The following RBFOX1 variants were observed in gnomAD, a reference collection of about 807,000 sequenced individuals.
The protein encoded by RBFOX1 is RNA binding protein fox-1 homolog 1.
In RBFOX1, 8 loss-of-function variants were observed where a neutral mutation model predicts 57.7. That is an observed-to-expected ratio of 0.14 (90% CI 0.08 to 0.25). The LOEUF (loss-of-function observed/expected upper bound fraction) is 0.25, where lower values mean the gene tolerates loss of function less well. Ranked by LOEUF, RBFOX1 falls within the 10% of genes least tolerant of loss-of-function variation. RBFOX1 has a pLI of 1.00. For missense variants in RBFOX1, 611 were observed against 548.5 expected (o/e 1.11, Z -1.14); for synonymous variants, 326 against 222.4 (o/e 1.47, Z -4.15).
At chr16:5,897,209 C>G (rs10852670) in intron 4 of RBFOX1, among the ~76,000 whole-genome samples, 64,246 of 147,730 alleles carry the variant, frequency 0.43, 13,060 homozygotes, top group Middle Eastern at 0.6. Flanking sequence ...CTAATTTTTT[C>G]TATTTTTAGT....
chr16:5,744,991 C>T (rs1020672766), intron 3 of RBFOX1, among the ~76,000 whole-genome samples: 3 of 152,100 alleles, frequency 2.0e-5, no homozygotes, highest in Non-Finnish European at 4.4e-5. Flanking sequence ...ATGTGCACAA[C>T]GTGCAGGTTT....
chr16:6,883,484 C>G (rs116873626), intron 3 of RBFOX1, among the ~76,000 whole-genome samples: 3 of 152,212 alleles, frequency 2.0e-5, no homozygotes, highest in South Asian at 2.1e-4. Context: ...CTCTTAGACA[C>G]CCATCTGCAA....
chr16:6,276,890 A>G (rs1046953190), intron 1 of RBFOX1, among the ~76,000 whole-genome samples: 10 of 151,322 alleles, frequency 6.6e-5, no homozygotes, highest in Non-Finnish European at 1.3e-4. Flanking sequence ...TGCTCATTTT[A>G]TTTTGTGCTT....
At chr16:7,672,500 A>C (rs2071802335) in intron 13 of RBFOX1, among the ~76,000 whole-genome samples, 1 of 152,194 alleles carries the variant, frequency 6.6e-6, no homozygotes, top group Non-Finnish European at 1.5e-5. Flanking sequence ...AATATGGTTA[A>C]AATTCCTGAG....
chr16:5,506,589 A>C (rs1004796092), intron 2 of RBFOX1, among the ~76,000 whole-genome samples: 1 of 152,174 alleles, frequency 6.6e-6, no homozygotes, highest in African/African-American at 2.4e-5. Flanking sequence ...AGCTCCATGG[A>C]AGTTAATGAT....
At chr16:6,648,344 A>C (rs2098550387) in intron 2 of RBFOX1, among the ~76,000 whole-genome samples, 1 of 151,958 alleles carries the variant, frequency 6.6e-6, no homozygotes, top group Non-Finnish European at 1.5e-5. Flanking sequence ...TATAGGCATG[A>C]TGCATTTTAA....
intron 12 of RBFOX1, among the ~76,000 whole-genome samples, chr16:7,658,467 C>T (rs1380842835): frequency 6.6e-6 from 1 of 152,098 alleles, no homozygotes; most frequent in Non-Finnish European, 1.5e-5. Flanking sequence ...AGCCACAATG[C>T]CCAGTCTAGC....
chr16:6,875,846 A>G (rs780424003), intron 3 of RBFOX1, among the ~76,000 whole-genome samples: 170 of 152,148 alleles, frequency 1.1e-3, no homozygotes, highest in Non-Finnish European at 2.0e-3. Context: ...CTCTACAAAA[A>G]AATTAGCCAG....
intron 5 of RBFOX1, among the ~76,000 whole-genome samples, chr16:7,565,879 A>T (rs1437531475): frequency 6.6e-6 from 1 of 152,144 alleles, no homozygotes; most frequent in African/African-American, 2.4e-5. Flanking sequence ...AGAATCATGC[A>T]GCATTCATGT....
rs1292905346 is a variant in RBFOX1, at chr16:5,472,887, G to T, written c.258+5633G>T. ...GTGTCTGACTTCCAGAGGAACTCAG[G>T]TTGTCGTAGGGGATCCAGCAGAAAC... On this transcript the variant is annotated intron_variant, in intron 2 of 2. Transcript: ENST00000585867. Among the ~76,000 whole-genome samples the T allele has an allele frequency of 4.6e-5, 7 of 152,304 alleles. No individual in the cohort carries two copies. In the South Asian group the frequency reaches 1.2e-3, roughly 27 times the overall value.
chr16:6,956,559 T>G (rs1178703858), intron 3 of RBFOX1, among the ~76,000 whole-genome samples: 1 of 152,132 alleles, frequency 6.6e-6, no homozygotes, highest in Non-Finnish European at 1.5e-5. Context: ...TGGGGGCAGT[T>G]GTACCTCTTG....
At chr16:6,552,984 G>A (rs928721861) in intron 2 of RBFOX1, among the ~76,000 whole-genome samples, 1 of 152,160 alleles carries the variant, frequency 6.6e-6, no homozygotes, top group South Asian at 2.1e-4. Flanking sequence ...TAAAGAAAAA[G>A]CATCAGCTGC....
rs199690584 is a variant in RBFOX1, at chr16:6,060,122, G to GTTTTTTTTT, written c.-127+40158_-127+40166dup. ...ATTTGGCCCTAAAATTAGGATTAGG[G>GTTTTTTTTT]TTTTTTTTTTTTTTTTTTTTTTTTT... is the stretch of plus-strand genomic sequence containing the variant. On this transcript the variant is annotated intron_variant, in intron 1 of 15. Coordinates refer to ENST00000550418, the MANE Select transcript of RBFOX1 (RefSeq NM_018723.4). Among the ~76,000 whole-genome samples, 99 of 114,186 alleles carry GTTTTTTTTT rather than the reference G, an allele frequency of 8.7e-4. 12 individuals are homozygous for GTTTTTTTTT. Among genetic ancestry groups the GTTTTTTTTT allele is most frequent in the African/African-American group, 2.4e-3 (66 of 27,742 alleles). The allele number at this position is 114,186 out of a possible 152,430, so 74.9% of individuals were successfully genotyped here. A position where few individuals can be genotyped will look rare whatever the true frequency, so the allele number is the denominator to read the frequency against.
chr16:6,321,397 A>G (rs933147388), intron 2 of RBFOX1, among the ~76,000 whole-genome samples: 2 of 152,174 alleles, frequency 1.3e-5, no homozygotes, highest in Non-Finnish European at 2.9e-5. Context: ...TAGATCAATT[A>G]GGACTCTGAC....
chr16:5,650,042 T>G (rs2049183387), intron 3 of RBFOX1, among the ~76,000 whole-genome samples: 1 of 152,158 alleles, frequency 6.6e-6, no homozygotes, highest in African/African-American at 2.4e-5. Context: ...GCATTGGCCG[T>G]CTGGGCTGCT....
chr16:6,079,169 C>T (rs541209025), intron 1 of RBFOX1, among the ~76,000 whole-genome samples: 2 of 152,064 alleles, frequency 1.3e-5, no homozygotes, highest in Non-Finnish European at 1.5e-5. Context: ...AATTACCAGC[C>T]GCATTACATG....
chr16:6,424,291 C>T lies in RBFOX1; in HGVS notation c.-64+107234C>T, dbSNP rs2093859915. Among the ~76,000 whole-genome samples, 3 of 152,034 alleles carry T rather than the reference C, an allele frequency of 2.0e-5. No homozygotes were observed. In the South Asian group the frequency reaches 6.2e-4, roughly 32 times the overall value. On this transcript the variant is annotated intron_variant, in intron 2 of 15. Transcript: ENST00000550418. ...AACAACAACAACAACAGAAGTGTTG[C>T]CTGCATTAAGGAGGCAGTCTAAGCT...
chr16:7,575,485 G>A (rs530337765), intron 5 of RBFOX1, among the ~76,000 whole-genome samples: 15 of 152,148 alleles, frequency 9.9e-5, no homozygotes, highest in South Asian at 4.1e-4. Context: ...TTTCACCCCC[G>A]CAGAGGGAAG....
At chr16:5,844,529 T>C (rs1482889994) in intron 3 of RBFOX1, among the ~76,000 whole-genome samples, 1 of 152,152 alleles carries the variant, frequency 6.6e-6, no homozygotes, top group Non-Finnish European at 1.5e-5. Flanking sequence ...TGGACATGTG[T>C]GTAAGTCTAG....
Sources: allele counts gnomAD v4.1 joint callset (sites outside exome capture counted in the v4.1 genomes callset), GRCh38; gene constraint gnomAD v4.1.1; transcripts MANE v1.5; gene names NCBI Gene and HGNC (gene_info 2026-07-23, HGNC 2026-07-21).